PTPRM: variants seen among roughly 807,000 people sequenced by gnomAD.
PTPRM encodes the protein receptor-type tyrosine-protein phosphatase mu.
In PTPRM, 47 loss-of-function variants were observed where a neutral mutation model predicts 186.7. The ratio of observed to expected loss-of-function variants is 0.25; its 90% CI spans 0.20 to 0.32. The LOEUF (loss-of-function observed/expected upper bound fraction) is 0.32. Among genes scored for constraint, PTPRM ranks in the 10% least tolerant of loss-of-function variants. The probability of loss-of-function intolerance (pLI) is 1.00; values close to 1 mark genes in which losing one functional copy is unlikely to be tolerated. For synonymous variants in PTPRM, 668 were observed against 674.9 expected (o/e 0.99, Z 0.16); for missense variants, 1,494 against 1,865.0 (o/e 0.80, Z 3.66).
intron 2 of PTPRM, among the ~76,000 whole-genome samples, chr18:7,832,707 G>T (rs1404911599): frequency 6.6e-6 from 1 of 152,094 alleles, no homozygotes; most frequent in Non-Finnish European, 1.5e-5. Flanking sequence ...CCAATGTCCT[G>T]GCGAGCTCTT....
chr18:8,213,667 C>T (rs1247365956), intron 14 of PTPRM, among the ~76,000 whole-genome samples: 1 of 152,174 alleles, frequency 6.6e-6, no homozygotes, highest in Non-Finnish European at 1.5e-5. Context: ...GAAAGTCTCA[C>T]TGTGGTCACT....
At chr18:7,778,902 AC>A (rs1318516999) in intron 2 of PTPRM, among the ~76,000 whole-genome samples, 1 of 152,220 alleles carries the variant, frequency 6.6e-6, no homozygotes, top group African/African-American at 2.4e-5. Context: ...ATACTGCAGC[AC>A]ATTCTATAAT....
At chr18:7,966,101 G>T (rs1359846597) in intron 7 of PTPRM, among the ~76,000 whole-genome samples, 1 of 152,104 alleles carries the variant, frequency 6.6e-6, no homozygotes, top group Admixed American at 6.6e-5. Flanking sequence ...TTAATTTTAA[G>T]AATATAAATA....
intron 4 of PTPRM, among the ~76,000 whole-genome samples, chr18:7,911,097 A>G (rs575971900): frequency 1.3e-5 from 2 of 152,310 alleles, no homozygotes; most frequent in South Asian, 4.1e-4. Flanking sequence ...GTTATAGTGT[A>G]TATCAATATT....
chr18:7,932,611 T>C (rs933841572), intron 5 of PTPRM, among the ~76,000 whole-genome samples: 2 of 152,194 alleles, frequency 1.3e-5, no homozygotes, highest in African/African-American at 2.4e-5. Flanking sequence ...TTTTCTTCAC[T>C]GAGTGATCTT....
rs372108893 is a variant in PTPRM, at chr18:7,652,273, A to G, written c.73+84382A>G. Reference sequence around the variant, plus strand: ...AAACAACAGGTGCTGGAGAGGATGTAGAGAAATAGGAACACTTTTACACTG... The same window carrying G: ...AAACAACAGGTGCTGGAGAGGATGTGGAGAAATAGGAACACTTTTACACTG... On this transcript the variant is annotated intron_variant, in intron 1 of 32. Coordinates refer to ENST00000580170, the MANE Select transcript of PTPRM (RefSeq NM_001105244.2). Among the ~76,000 whole-genome samples, 108 of 152,300 alleles carry G rather than the reference A, an allele frequency of 7.1e-4. 3 individuals are homozygous for G. Among genetic ancestry groups the G allele is most frequent in the African/African-American group, 2.4e-3 (99 of 41,576 alleles).
intron 1 of PTPRM, among the ~76,000 whole-genome samples, chr18:7,678,682 A>C (rs375064607): frequency 3.3e-5 from 5 of 152,312 alleles, no homozygotes; most frequent in Admixed American, 2.0e-4. Context: ...TACCGTACTT[A>C]CCAAAGTCTT....
chr18:8,186,963 CAG>C (rs1420755220), intron 14 of PTPRM, among the ~76,000 whole-genome samples: 1 of 147,908 alleles, frequency 6.8e-6, no homozygotes, highest in Admixed American at 6.7e-5. Context: ...TTTTTTGAGA[CAG>C]AGTCTCGCTC....
intron 2 of PTPRM, among the ~76,000 whole-genome samples, chr18:7,865,936 T>G (rs1050530283): frequency 3.9e-5 from 6 of 152,206 alleles, no homozygotes; most frequent in African/African-American, 4.8e-5. Context: ...TCCAGTAATT[T>G]ATCCATTTCT....
At chr18:7,943,028 T>C (rs1314816561) in intron 5 of PTPRM, among the ~76,000 whole-genome samples, 1 of 152,122 alleles carries the variant, frequency 6.6e-6, no homozygotes. Flanking sequence ...ATTGAAGGCT[T>C]GTATCTTTTT....
chr18:7,596,539 C>T (rs2037265301), intron 1 of PTPRM, among the ~76,000 whole-genome samples: 1 of 152,098 alleles, frequency 6.6e-6, no homozygotes, highest in African/African-American at 2.4e-5. Context: ...TGTAATTGTT[C>T]CATTTTATTA....
In PTPRM at chr18:8,376,605, C is replaced by T. The variant is rs139551774; in HGVS notation, c.3462+8C>T. The T allele has an allele frequency of 1.2e-5, 20 of 1,608,644 alleles. No individual in the cohort carries two copies. Among genetic ancestry groups the T allele is most frequent in the East Asian group, 6.7e-5 (3 of 44,794 alleles). On this transcript the variant is annotated splice_region_variant and intron_variant, in intron 26 of 32. Transcript: ENST00000580170. ...AACATGGTGCAAACAGAGGTACTCC[C>T]GCTCATCACCTAGCCTGGGGCCTTG...
chr18:7,775,402 T>G (rs77394048), intron 2 of PTPRM, among the ~76,000 whole-genome samples: 2,827 of 152,246 alleles, frequency 0.019, 20 homozygotes, highest in Non-Finnish European at 0.026. Context: ...TTAAATCAGG[T>G]TTAGTTGCTT....
At chr18:8,008,762 G>A (rs575817200) in intron 7 of PTPRM, among the ~76,000 whole-genome samples, 2 of 151,740 alleles carry the variant, frequency 1.3e-5, no homozygotes, top group South Asian at 2.1e-4. Flanking sequence ...AAACACGCAC[G>A]TGCTTAGAGA....
chr18:8,301,469 C>T (rs572906920), intron 20 of PTPRM, among the ~76,000 whole-genome samples: 2 of 152,288 alleles, frequency 1.3e-5, no homozygotes, highest in South Asian at 2.1e-4. Flanking sequence ...CCCTTGCAGC[C>T]GGCTCCTCTT....
chr18:8,183,535 TCTC>T (rs1331066156), intron 14 of PTPRM, among the ~76,000 whole-genome samples: 1 of 152,190 alleles, frequency 6.6e-6, no homozygotes, highest in Non-Finnish European at 1.5e-5. Flanking sequence ...TCTTTGCCCT[TCTC>T]CTCCTTCGTT....
chr18:7,824,573 A>T (rs1473623815), intron 2 of PTPRM, among the ~76,000 whole-genome samples: 1 of 151,572 alleles, frequency 6.6e-6, no homozygotes, highest in Admixed American at 6.6e-5. Flanking sequence ...TTTTCTATTT[A>T]CTTATTTTTC....
intron 1 of PTPRM, among the ~76,000 whole-genome samples, chr18:7,709,970 A>G (rs2040177665): frequency 6.6e-6 from 1 of 152,234 alleles, no homozygotes; most frequent in Non-Finnish European, 1.5e-5. Flanking sequence ...TCTATCAGAC[A>G]TTCAAAGAAA....
Position 7,792,454 on chromosome 18 carries a change from T to A in PTPRM, c.196+18183T>A, listed in dbSNP as rs1294927017. ...CTATTCAGTGCCGGGTGGTTTTGCC[T>A]GTTTTCTCCTGTCTATCATCCCTCT... On this transcript the variant is annotated intron_variant, in intron 2 of 32. Coordinates refer to ENST00000580170, the MANE Select transcript of PTPRM (RefSeq NM_001105244.2). Among the ~76,000 whole-genome samples, 5 of 152,304 alleles carry A rather than the reference T, an allele frequency of 3.3e-5. No homozygotes were observed. The South Asian group carries it at 1.0e-3, about 32-fold the overall frequency.
Sources: allele counts gnomAD v4.1 joint callset (sites outside exome capture counted in the v4.1 genomes callset), GRCh38; gene constraint gnomAD v4.1.1; transcripts MANE v1.5; gene names NCBI Gene and HGNC (gene_info 2026-07-23, HGNC 2026-07-21).